DNM3: variants seen among roughly 807,000 people sequenced by gnomAD.
DNM3 encodes the protein dynamin-3.
Under a neutral mutation model 101.6 loss-of-function variants are expected in DNM3, and 47 were observed. That is an observed-to-expected ratio of 0.46 (90% confidence interval 0.37 to 0.59). DNM3 has a LOEUF of 0.59. Ranked by LOEUF, DNM3 falls within the 20% of genes least tolerant of loss-of-function variation. The probability of loss-of-function intolerance (pLI) is 0.00; values close to 1 mark genes in which losing one functional copy is unlikely to be tolerated. For synonymous variants in DNM3, 385 were observed against 387.9 expected, an observed-to-expected ratio of 0.99 and a Z score of 0.09; for missense variants, 849 against 1,085.7, an observed-to-expected ratio of 0.78 and a Z score of 3.06.
intron 2 of DNM3, among the ~76,000 whole-genome samples, chr1:171,966,588 T>C (rs956520118): frequency 6.6e-6 from 1 of 152,110 alleles, no homozygotes; most frequent in African/African-American, 2.4e-5. Flanking sequence ...CCCTTTGAAG[T>C]GGGAAGGTGC....
chr1:172,257,634 C>T (rs565409871), intron 15 of DNM3, among the ~76,000 whole-genome samples: 43 of 152,078 alleles, frequency 2.8e-4, no homozygotes, highest in African/African-American at 7.7e-4. Context: ...TTCTATTACA[C>T]GCATAGCATA....
At position 172,411,072 on chromosome 1, in the gene DNM3, T is replaced by A. The variant is rs914222011; in HGVS notation, c.*3231T>A. The A allele has an allele frequency of 4.1e-6, 4 of 984,954 alleles. No individual in the cohort carries two copies. Among genetic ancestry groups the A allele is most frequent in the Non-Finnish European group, 4.8e-6 (4 of 829,614 alleles). The allele number at this position is 984,954 out of a possible 1,614,324, so 61.0% of individuals were successfully genotyped here. On this transcript the variant is annotated 3_prime_UTR_variant, in exon 21 of 21. Transcript: ENST00000627582. ...TGCCACAAGCATGAGTGTGATTGTA[T>A]GTGCACTGTGTGTATATATATAAAT...
chr1:172,209,926 G>A (rs2060455481), intron 14 of DNM3, among the ~76,000 whole-genome samples: 1 of 152,022 alleles, frequency 6.6e-6, no homozygotes, highest in Admixed American at 6.6e-5. Context: ...ACTAGCAAGT[G>A]ATTCTTTATT....
At chr1:172,051,463 C>A (rs1290423161) in intron 10 of DNM3, among the ~76,000 whole-genome samples, 1 of 152,138 alleles carries the variant, frequency 6.6e-6, no homozygotes, top group East Asian at 1.9e-4. Context: ...TCTTTGAAAT[C>A]TTTGCTCTCC....
intron 4 of DNM3, among the ~76,000 whole-genome samples, chr1:172,013,758 G>T (rs1356996141): frequency 6.6e-6 from 1 of 151,980 alleles, no homozygotes; most frequent in Non-Finnish European, 1.5e-5. Context: ...GGTGAGGGGG[G>T]CATGTGAAGA....
At chr1:172,201,475 A>G (rs1006042635) in intron 14 of DNM3, among the ~76,000 whole-genome samples, 3 of 152,152 alleles carry the variant, frequency 2.0e-5, no homozygotes, top group Non-Finnish European at 2.9e-5. Context: ...CCCCAAAGAG[A>G]TGCAGGTCAA....
intron 14 of DNM3, among the ~76,000 whole-genome samples, chr1:172,249,445 G>A (rs1429742866): frequency 1.3e-5 from 2 of 152,070 alleles, no homozygotes; most frequent in East Asian, 3.9e-4. Flanking sequence ...CTCTTGCCAA[G>A]TGAATTCAGG....
chr1:172,302,956 A>C (rs2148852904), intron 15 of DNM3, among the ~76,000 whole-genome samples: 1 of 152,266 alleles, frequency 6.6e-6, no homozygotes, highest in East Asian at 1.9e-4. Flanking sequence ...AATTCTAAAA[A>C]CCAGAGCACT....
intron 14 of DNM3, among the ~76,000 whole-genome samples, chr1:172,177,707 T>TTA (rs928552478): frequency 3.1e-4 from 47 of 151,932 alleles, no homozygotes; most frequent in Admixed American, 7.9e-4. Context: ...AACTGTGTGT[T>TTA]ATAAAGCACT....
intron 14 of DNM3, among the ~76,000 whole-genome samples, chr1:172,166,952 G>A (rs924640602): frequency 6.6e-6 from 1 of 151,354 alleles, no homozygotes; most frequent in Non-Finnish European, 1.5e-5. Context: ...TAAGTTCTAG[G>A]ATACATGTGC....
rs540733608 is a variant in DNM3, at chr1:172,189,288, A to G, written c.1659+58000A>G. ...TTTATGGTAAATCTTGAATTTGAGTAGTGTCAGTCTCTGATTCTTCTTCTT... is the reference window on the plus strand; with the variant it reads ...TTTATGGTAAATCTTGAATTTGAGTGGTGTCAGTCTCTGATTCTTCTTCTT... On this transcript the variant is annotated intron_variant, in intron 14 of 20. Coordinates refer to ENST00000627582, the MANE Select transcript of DNM3 (RefSeq NM_015569.5). Among the ~76,000 whole-genome samples the G allele has an allele frequency of 5.9e-5, 9 of 152,150 alleles. No individual in the cohort carries two copies. In the East Asian group the frequency reaches 1.7e-3, roughly 29 times the overall value.
intron 2 of DNM3, among the ~76,000 whole-genome samples, chr1:171,956,075 G>A (rs1175415434): frequency 6.6e-6 from 1 of 152,070 alleles, no homozygotes; most frequent in Non-Finnish European, 1.5e-5. Context: ...GATTTGGGTG[G>A]GGACATAGCC....
rs532500850 is a variant in DNM3, at chr1:171,842,084, C to T, written c.161+267C>T. On this transcript the variant is annotated intron_variant, in intron 1 of 20. Transcript: ENST00000627582. Reference sequence around the variant, plus strand: ...CGTGCGATACAAAGCCATTTCCTCCCTGTCCTCCAGTCGGGGAGTCGGGGG... The same window carrying T: ...CGTGCGATACAAAGCCATTTCCTCCTTGTCCTCCAGTCGGGGAGTCGGGGG... Among the ~76,000 whole-genome samples the T allele has an allele frequency of 6.6e-5, 10 of 152,294 alleles. No homozygotes were observed. The South Asian group carries it at 2.1e-3, about 32-fold the overall frequency.
intron 1 of DNM3, among the ~76,000 whole-genome samples, chr1:171,902,252 A>G (rs975197157): frequency 3.3e-5 from 5 of 152,222 alleles, no homozygotes; most frequent in African/African-American, 9.6e-5. Flanking sequence ...TTAAAAATCA[A>G]TTATGAAAGG....
chr1:171,968,250 CT>C (rs966718630), intron 2 of DNM3, among the ~76,000 whole-genome samples: 5 of 151,480 alleles, frequency 3.3e-5, no homozygotes, highest in South Asian at 2.1e-4. Flanking sequence ...AAAAGCTTAC[CT>C]TTTTTTTTCT....
intron 13 of DNM3, among the ~76,000 whole-genome samples, chr1:172,112,390 T>C (rs1337718210): frequency 3.3e-5 from 5 of 152,142 alleles, no homozygotes; most frequent in Admixed American, 2.6e-4. Context: ...GGGCTCACAA[T>C]TGTTTGCTTC....
At chr1:171,978,888 T>C (rs1033157124) in intron 2 of DNM3, among the ~76,000 whole-genome samples, 1 of 152,154 alleles carries the variant, frequency 6.6e-6, no homozygotes, top group Non-Finnish European at 1.5e-5. Flanking sequence ...GAAATGTCAG[T>C]TAAGCATTAG....
intron 1 of DNM3, among the ~76,000 whole-genome samples, chr1:171,911,350 G>A (rs555595944): frequency 8.1e-5 from 11 of 135,980 alleles, no homozygotes; most frequent in Non-Finnish European, 1.5e-4. Context: ...GTGCAATCTC[G>A]GCTCACTGCA....
chr1:172,276,720 C>G (rs749575657), intron 15 of DNM3, among the ~76,000 whole-genome samples: 6 of 151,760 alleles, frequency 4.0e-5, no homozygotes, highest in Non-Finnish European at 7.4e-5. Context: ...GTTAGAGTAT[C>G]CCCAGAATCC....
Sources: gnomAD v4.1 joint callset for allele counts (sites outside exome capture counted in the v4.1 genomes callset) on GRCh38, gnomAD v4.1.1 for gene constraint, MANE v1.5 for transcripts, NCBI Gene and HGNC (gene_info 2026-07-23, HGNC 2026-07-21) for gene names.